LRRC4C: variants seen among roughly 807,000 people sequenced by gnomAD.
LRRC4C encodes the protein leucine rich repeat containing 4C.
A neutral mutation model predicts 33.6 loss-of-function variants in LRRC4C; 5 were observed. The ratio of observed to expected loss-of-function variants is 0.15; its 90% CI spans 0.08 to 0.31. The LOEUF (loss-of-function observed/expected upper bound fraction) is 0.31. Ranked by LOEUF, LRRC4C falls within the 10% of genes least tolerant of loss-of-function variation. The probability of loss-of-function intolerance (pLI) is 1.00; values close to 1 mark genes in which losing one functional copy is unlikely to be tolerated. For synonymous variants in LRRC4C, 329 were observed against 302.0 expected, an observed-to-expected ratio of 1.09 and a Z score of -0.93; for missense variants, 560 against 796.7, an observed-to-expected ratio of 0.70 and a Z score of 3.58.
At chr11:41,079,740 C>G (rs1303954162) in intron 1 of LRRC4C, among the ~76,000 whole-genome samples, 1 of 152,186 alleles carries the variant, frequency 6.6e-6, no homozygotes, top group Admixed American at 6.5e-5. Flanking sequence ...TGGCTCAACA[C>G]AAATTCATAA....
intron 1 of LRRC4C, among the ~76,000 whole-genome samples, chr11:40,975,272 C>T (rs61887569): frequency 0.03 from 4,608 of 152,220 alleles, 62 homozygotes; most frequent in Middle Eastern, 0.044. Context: ...CCAAGGAACA[C>T]GTAATTGGCC....
At chr11:40,585,129 G>A (rs1958662301) in intron 3 of LRRC4C, among the ~76,000 whole-genome samples, 1 of 152,056 alleles carries the variant, frequency 6.6e-6, no homozygotes, top group Non-Finnish European at 1.5e-5. Context: ...ACCATGCAAT[G>A]CTTATAGACA....
At chr11:41,076,700 G>A (rs1202901518) in intron 1 of LRRC4C, among the ~76,000 whole-genome samples, 1 of 152,036 alleles carries the variant, frequency 6.6e-6, no homozygotes, top group East Asian at 1.9e-4. Context: ...TTTGCCCATG[G>A]CCCCTCTCAA....
At chr11:41,407,520 T>C (rs1954288406) in intron 1 of LRRC4C, among the ~76,000 whole-genome samples, 1 of 152,158 alleles carries the variant, frequency 6.6e-6, no homozygotes, top group South Asian at 2.1e-4. Flanking sequence ...TAGGCTGATC[T>C]TGAGCTCCTG....
At chr11:41,432,316 C>T (rs1351111360) in intron 1 of LRRC4C, among the ~76,000 whole-genome samples, 3 of 151,982 alleles carry the variant, frequency 2.0e-5, no homozygotes, top group African/African-American at 4.8e-5. Flanking sequence ...TACAGGTTTC[C>T]GTGGGAGAGG....
chr11:40,152,308 G>T (rs989603734), intron 5 of LRRC4C, among the ~76,000 whole-genome samples: 1 of 152,200 alleles, frequency 6.6e-6, no homozygotes, highest in Non-Finnish European at 1.5e-5. Flanking sequence ...GGAGTTCGCT[G>T]GGTCCCCAAG....
intron 3 of LRRC4C, among the ~76,000 whole-genome samples, chr11:40,524,317 T>C (rs1284135412): frequency 2.0e-5 from 3 of 152,170 alleles, no homozygotes; most frequent in Admixed American, 6.5e-5. Flanking sequence ...GGAAAAGAAA[T>C]ACCACAGTAG....
At chr11:40,787,340 G>C (rs913336166) in intron 2 of LRRC4C, among the ~76,000 whole-genome samples, 1 of 152,146 alleles carries the variant, frequency 6.6e-6, no homozygotes, top group Non-Finnish European at 1.5e-5. Flanking sequence ...GTGACAGTCC[G>C]TTAGTGAATT....
At chr11:40,837,026 T>TA (rs1952702374) in intron 2 of LRRC4C, among the ~76,000 whole-genome samples, 1 of 152,150 alleles carries the variant, frequency 6.6e-6, no homozygotes, top group African/African-American at 2.4e-5. Context: ...CCTAAACTCT[T>TA]AAAGAACGGT....
At chr11:40,311,743 G>A (rs1945318445) in intron 4 of LRRC4C, among the ~76,000 whole-genome samples, 2 of 152,028 alleles carry the variant, frequency 1.3e-5, no homozygotes, top group South Asian at 4.2e-4. Flanking sequence ...TCAAGAGATC[G>A]AGACCATCCT....
At chr11:41,073,142 T>G (rs1938837127) in intron 1 of LRRC4C, among the ~76,000 whole-genome samples, 1 of 152,164 alleles carries the variant, frequency 6.6e-6, no homozygotes, top group Non-Finnish European at 1.5e-5. Context: ...TGTAAAGGAA[T>G]ACCTGAGGCT....
chr11:40,825,923 C>T (rs1267422832), intron 2 of LRRC4C, among the ~76,000 whole-genome samples: 1 of 115,648 alleles, frequency 8.6e-6, no homozygotes, highest in African/African-American at 3.2e-5. Context: ...TTTATGTATG[C>T]TTCACATATT....
chr11:40,288,049 T>C (rs1435427629), intron 4 of LRRC4C, among the ~76,000 whole-genome samples: 1 of 152,232 alleles, frequency 6.6e-6, no homozygotes, highest in Non-Finnish European at 1.5e-5. Context: ...GAATGCTTGC[T>C]GTGCGTGGCA....
chr11:40,177,689 A>G (rs1860623335), intron 5 of LRRC4C, among the ~76,000 whole-genome samples: 1 of 151,900 alleles, frequency 6.6e-6, no homozygotes, highest in Admixed American at 6.6e-5. Context: ...CTCCATTGCC[A>G]TTTTTCTCTT....
intron 1 of LRRC4C, among the ~76,000 whole-genome samples, chr11:41,293,487 C>T (rs1325533368): frequency 6.6e-6 from 1 of 151,904 alleles, no homozygotes; most frequent in African/African-American, 2.4e-5. Context: ...ATTGTTTTTG[C>T]CCTGTGTAGG....
At chr11:41,319,156 T>C (rs2137254776) in intron 1 of LRRC4C, among the ~76,000 whole-genome samples, 1 of 152,252 alleles carries the variant, frequency 6.6e-6, no homozygotes, top group Non-Finnish European at 1.5e-5. Flanking sequence ...TGATGCCACA[T>C]GGATTTTATC....
intron 2 of LRRC4C, among the ~76,000 whole-genome samples, chr11:40,932,856 G>C (rs559827004): frequency 3.9e-5 from 6 of 152,294 alleles, no homozygotes; most frequent in Admixed American, 3.9e-4. Context: ...TTCAGGACTA[G>C]ATGCGGTCAG....
intron 3 of LRRC4C, among the ~76,000 whole-genome samples, chr11:40,554,736 C>CTTTTTTTTTTTT (rs34678892): frequency 1.1e-5 from 1 of 88,424 alleles, no homozygotes; most frequent in Non-Finnish European, 2.1e-5. Context: ...GGATTGCATT[C>CTTTTTTTTTTTT]TTTTTTTTTT....
intron 3 of LRRC4C, among the ~76,000 whole-genome samples, chr11:40,558,083 T>C (rs568933082): frequency 4.6e-5 from 7 of 152,192 alleles, no homozygotes; most frequent in African/African-American, 1.7e-4. Flanking sequence ...TCTCTGTCTT[T>C]GAAAACTAAC....
Sources: gnomAD v4.1 joint callset for allele counts (sites outside exome capture counted in the v4.1 genomes callset) on GRCh38, gnomAD v4.1.1 for gene constraint, MANE v1.5 for transcripts, NCBI Gene and HGNC (gene_info 2026-07-23, HGNC 2026-07-21) for gene names.